The following THSD4 variants were observed in gnomAD, a reference collection of about 807,000 sequenced individuals.
THSD4 encodes the protein thrombospondin type-1 domain-containing protein 4.
Under a neutral mutation model 119.0 loss-of-function variants are expected in THSD4, and 69 were observed. That is an observed-to-expected ratio of 0.58 (90% CI 0.48 to 0.71). The LOEUF (loss-of-function observed/expected upper bound fraction) is 0.71, where lower values mean the gene tolerates loss of function less well. Among genes scored for constraint, THSD4 ranks in the 30% least tolerant of loss-of-function variants. The pLI is 0.00. For synonymous variants in THSD4, 524 were observed against 540.4 expected (o/e 0.97, Z 0.42); for missense variants, 1,393 against 1,391.1 (o/e 1.00, Z -0.02).
chr15:71,289,985 T>C (rs2044768805), intron 6 of THSD4, among the ~76,000 whole-genome samples: 1 of 151,568 alleles, frequency 6.6e-6, no homozygotes. Flanking sequence ...ATGGGGGGAG[T>C]ATCCACGTGT....
At chr15:71,375,137 G>A (rs1489336517) in intron 6 of THSD4, among the ~76,000 whole-genome samples, 1 of 152,144 alleles carries the variant, frequency 6.6e-6, no homozygotes, top group East Asian at 1.9e-4. Context: ...AATAAAAACT[G>A]CATGTCTGCC....
chr15:71,326,700 A>AAAAAAATAT (rs1555464320), intron 6 of THSD4, among the ~76,000 whole-genome samples: 1 of 6,442 alleles, frequency 1.6e-4, no homozygotes, highest in African/African-American at 3.5e-4. Flanking sequence ...AAAAAAAAAA[A>AAAAAAATAT]ATATATATAT....
At position 71,753,137 on chromosome 15, in the gene THSD4, C is replaced by T. The variant is rs142025024; in HGVS notation, c.2415+4543C>T. Among the ~76,000 whole-genome samples, 23 of 152,232 alleles carry T rather than the reference C, an allele frequency of 1.5e-4. No homozygotes were observed. In the East Asian group the frequency reaches 4.4e-3, roughly 29 times the overall value. On this transcript the variant is annotated intron_variant, in intron 14 of 17. Transcript: ENST00000261862. Reference sequence around the variant, plus strand: ...TTACCTAAGTGAATTGAGGTTGTAACCCCAGTCTGAATCTTCTGTTAAACT... The same window carrying T: ...TTACCTAAGTGAATTGAGGTTGTAATCCCAGTCTGAATCTTCTGTTAAACT...
At chr15:71,429,263 G>T (rs778726268) in intron 7 of THSD4, among the ~76,000 whole-genome samples, 3 of 152,238 alleles carry the variant, frequency 2.0e-5, no homozygotes, top group Non-Finnish European at 4.4e-5. Context: ...ATGGGAATAT[G>T]TGGCAATTTG....
chr15:71,558,106 T>C (rs751773356), intron 7 of THSD4, among the ~76,000 whole-genome samples: 1 of 152,166 alleles, frequency 6.6e-6, no homozygotes. Context: ...GGTGGGCAGA[T>C]CACTTGAGGT....
intron 7 of THSD4, among the ~76,000 whole-genome samples, chr15:71,546,166 C>G (rs1327094382): frequency 3.3e-5 from 5 of 152,052 alleles, no homozygotes; most frequent in African/African-American, 1.2e-4. Context: ...GGGTTAAATA[C>G]TCACCCAGAG....
intron 3 of THSD4, among the ~76,000 whole-genome samples, chr15:71,172,704 T>TATATATATATATATATATATGTGAC (rs2043388988): frequency 2.8e-5 from 3 of 107,714 alleles, no homozygotes; most frequent in African/African-American, 9.1e-5. Context: ...TATATATATA[T>TATATATATATATATATATATGTGAC]ATATATATAT....
chr15:71,230,964 A>G (rs2044055889), intron 4 of THSD4, among the ~76,000 whole-genome samples: 1 of 152,142 alleles, frequency 6.6e-6, no homozygotes, highest in Non-Finnish European at 1.5e-5. Flanking sequence ...AACCTGCTCA[A>G]CTGTAGGTGG....
intron 7 of THSD4, among the ~76,000 whole-genome samples, chr15:71,535,667 G>A (rs1313871880): frequency 6.6e-6 from 1 of 152,132 alleles, no homozygotes; most frequent in Non-Finnish European, 1.5e-5. Context: ...GTTTTGATTT[G>A]CATTTCCCTA....
chr15:71,745,305 G>A, intron 12 of THSD4, 70 bp downstream of exon 12: 2 of 1,570,700 alleles, frequency 1.3e-6, no homozygotes, highest in Non-Finnish European at 8.7e-7. Flanking sequence ...CAGGACCTTA[G>A]GAACAGATAT....
chr15:71,696,197 A>G (rs2052161723), intron 8 of THSD4, among the ~76,000 whole-genome samples: 1 of 152,218 alleles, frequency 6.6e-6, no homozygotes, highest in Non-Finnish European at 1.5e-5. Context: ...ATAGTTCTGC[A>G]GGCCGAGAAG....
At chr15:71,254,426 G>A (rs2044291915) in intron 5 of THSD4, among the ~76,000 whole-genome samples, 2 of 152,168 alleles carry the variant, frequency 1.3e-5, no homozygotes, top group Non-Finnish European at 2.9e-5. Flanking sequence ...GTGAGATGGG[G>A]CTTGGGCGTG....
chr15:71,687,876 A>C (rs960669674), intron 8 of THSD4, among the ~76,000 whole-genome samples: 4 of 152,198 alleles, frequency 2.6e-5, no homozygotes, highest in African/African-American at 9.6e-5. Flanking sequence ...CCAATATGCA[A>C]ATTAACCTGT....
chr15:71,453,231 T>C (rs1314858369), intron 7 of THSD4, among the ~76,000 whole-genome samples: 2 of 152,240 alleles, frequency 1.3e-5, no homozygotes, highest in Non-Finnish European at 2.9e-5. Flanking sequence ...CCCTTTCCCC[T>C]GTGGCAAGAC....
intron 7 of THSD4, among the ~76,000 whole-genome samples, chr15:71,464,843 A>T (rs969477912): frequency 2.0e-5 from 3 of 152,172 alleles, no homozygotes; most frequent in Admixed American, 2.0e-4. Flanking sequence ...CAGTCTTCCA[A>T]AACTATGACC....
intron 8 of THSD4, among the ~76,000 whole-genome samples, chr15:71,713,974 A>G (rs1422678685): frequency 6.6e-6 from 1 of 152,120 alleles, no homozygotes; most frequent in African/African-American, 2.4e-5. Context: ...TGTGGAGTAG[A>G]AGGTGAGCCA....
At chr15:71,325,488 G>C (rs1182826509) in intron 6 of THSD4, among the ~76,000 whole-genome samples, 1 of 152,164 alleles carries the variant, frequency 6.6e-6, no homozygotes, top group African/African-American at 2.4e-5. Context: ...GGCAAGTGTG[G>C]GGATGAAAAG....
intron 6 of THSD4, among the ~76,000 whole-genome samples, chr15:71,359,248 A>G (rs2045861471): frequency 6.6e-6 from 1 of 152,190 alleles, no homozygotes; most frequent in Non-Finnish European, 1.5e-5. Context: ...GTCAGGCTTA[A>G]CGTGCTTAAA....
At chr15:71,280,120 G>A (rs1216629921) in intron 6 of THSD4, among the ~76,000 whole-genome samples, 2 of 152,216 alleles carry the variant, frequency 1.3e-5, no homozygotes, top group East Asian at 1.9e-4. Context: ...GCAGATGTAG[G>A]GGAAGGGTGT....
Sources: allele counts gnomAD v4.1 joint callset (sites outside exome capture counted in the v4.1 genomes callset), GRCh38; gene constraint gnomAD v4.1.1; transcripts MANE v1.5; gene names NCBI Gene and HGNC (gene_info 2026-07-23, HGNC 2026-07-21).